Variants in PDCD7 observed in about 807,000 individuals in gnomAD.
The protein encoded by PDCD7 is programmed cell death protein 7.
A neutral mutation model predicts 42.1 loss-of-function variants in PDCD7; 40 were observed. That is an observed-to-expected ratio of 0.95 (90% CI 0.74 to 1.24). The LOEUF (loss-of-function observed/expected upper bound fraction) is 1.24. Among genes scored for constraint, PDCD7 ranks in the 50% most tolerant of loss-of-function variants. The pLI is 0.00. For synonymous variants in PDCD7, 299 were observed against 303.3 expected, an observed-to-expected ratio of 0.99 and a Z score of 0.15; for missense variants, 644 against 662.8, an observed-to-expected ratio of 0.97 and a Z score of 0.31.
intron 1 of PDCD7, among the ~76,000 whole-genome samples, chr15:65,130,261 G>A (rs1329311584): frequency 3.4e-5 from 5 of 148,616 alleles, no homozygotes; most frequent in Non-Finnish European, 5.9e-5. Context: ...GGGTTCAAGC[G>A]ATTCCCTGCT....
chr15:65,129,280 G>A, intron 1 of PDCD7, 110 bp from the exon 2 acceptor site: 1 of 1,219,116 alleles, frequency 8.2e-7, no homozygotes, highest in African/African-American at 1.5e-5. Flanking sequence ...CAGGTTAAGA[G>A]AGACTCTATT....
rs748242746 is a variant in PDCD7 at position 65,129,222 on chromosome 15, C to G, written c.871-52G>C. 2.5e-6 allele frequency: 4 copies of G among 1,585,774 alleles called. No individual in the cohort carries two copies. In the Admixed American group the frequency reaches 6.9e-5, roughly 27 times the overall value. On this transcript the variant is annotated intron_variant, in intron 1 of 4. Coordinates refer to ENST00000204549, the MANE Select transcript of PDCD7 (RefSeq NM_005707.2). ...CCTCGTATTAGGAACAAACTTACAG[C>G]AGAGAATAGCTGCCCAGTGGTTAGA... is the stretch of plus-strand genomic sequence containing the variant.
At chr15:65,120,600 CG>C (rs1033938678) in intron 2 of PDCD7, among the ~76,000 whole-genome samples, 2 of 152,102 alleles carry the variant, frequency 1.3e-5, no homozygotes, top group African/African-American at 4.8e-5. Flanking sequence ...CCCAGCTACT[CG>C]GGAGGCTGAG....
chr15:65,118,648 G>A lies in PDCD7; in HGVS notation c.*69C>T, dbSNP rs2087425796. On this transcript the variant is annotated 3_prime_UTR_variant, in exon 5 of 5. Transcript: ENST00000204549. ...AGTTGCAGTTTAGTCTACAGCAAAA[G>A]ATGGCACCATCGCTAATATTTACAG... The A allele has an allele frequency of 1.4e-6, 2 of 1,468,766 alleles. No individual in the cohort carries two copies. The highest frequency in any genetic ancestry group is 1.8e-6 in the Non-Finnish European group (2 of 1,101,620). 91.0% of individuals were successfully genotyped at this position (1,468,766 alleles called of 1,614,324 possible).
At chr15:65,126,647 A>G (rs997946001) in intron 2 of PDCD7, among the ~76,000 whole-genome samples, 4 of 151,850 alleles carry the variant, frequency 2.6e-5, no homozygotes, top group African/African-American at 9.7e-5. Flanking sequence ...TCTACTACTC[A>G]GGAGGCTGAG....
intron 2 of PDCD7, among the ~76,000 whole-genome samples, chr15:65,121,029 A>T (rs2087449656): frequency 6.8e-6 from 1 of 147,142 alleles, no homozygotes; most frequent in Admixed American, 6.8e-5. Flanking sequence ...GATCATCCAC[A>T]CCACTTAACC....
At chr15:65,121,141 C>G (rs1347219757) in intron 2 of PDCD7, among the ~76,000 whole-genome samples, 1 of 151,296 alleles carries the variant, frequency 6.6e-6, no homozygotes, top group Non-Finnish European at 1.5e-5. Flanking sequence ...CTGCAAACTC[C>G]ACGCATCCCG....
intron 2 of PDCD7, among the ~76,000 whole-genome samples, chr15:65,120,762 A>G (rs1302457105): frequency 6.6e-6 from 1 of 151,910 alleles, no homozygotes; most frequent in African/African-American, 2.4e-5. Flanking sequence ...TGCCCAGGCT[A>G]ATCTCTAACT....
intron 1 of PDCD7, among the ~76,000 whole-genome samples, chr15:65,130,442 C>A (rs944562130): frequency 3.3e-5 from 5 of 151,892 alleles, no homozygotes; most frequent in Non-Finnish European, 7.4e-5. Context: ...ACAGGCATGA[C>A]CACGGCGCCC....
intron 1 of PDCD7, 68 bp downstream of exon 1, chr15:65,132,844 A>G (rs1454738193): frequency 4.2e-5 from 67 of 1,583,214 alleles, no homozygotes; most frequent in Non-Finnish European, 5.6e-5. Flanking sequence ...ATGGAAGTTT[A>G]AAGCCTCCTG....
At chr15:65,124,747 A>G (rs746679873) in intron 2 of PDCD7, among the ~76,000 whole-genome samples, 1 of 152,142 alleles carries the variant, frequency 6.6e-6, no homozygotes, top group Non-Finnish European at 1.5e-5. Flanking sequence ...TGGCAGCTTC[A>G]TCAAAACCTC....
Position 65,133,192 on chromosome 15 carries a change from T to C in PDCD7, c.590A>G (p.Glu197Gly). ...CCAGGCCGCGCCGTCGGCTTCGGCC[T>C]CGCGCAGGGCCTGGCTCAGGCCGCG... ...RLRGLSQALR[E>G]AEADGAAWVL... Residue 197 changes from glutamate (E) to glycine (G), a missense_variant, in exon 1 of 5, where the codon GAG becomes GGG. Glu to Gly is a moderately conservative substitution (Grantham distance 98). Coordinates refer to ENST00000204549, the MANE Select transcript of PDCD7 (RefSeq NM_005707.2). 6.9e-7 allele frequency: 1 copy of C among 1,441,398 alleles called. No individual in the cohort carries two copies. The highest frequency in any genetic ancestry group is 9.0e-7 in the Non-Finnish European group (1 of 1,108,394). The allele number at this position is 1,441,398 out of a possible 1,614,324, so 89.3% of individuals were successfully genotyped here. A position where few individuals can be genotyped will look rare whatever the true frequency, so the allele number is the denominator to read the frequency against.
intron 2 of PDCD7, among the ~76,000 whole-genome samples, chr15:65,120,849 C>T (rs1046472551): frequency 4.6e-5 from 7 of 152,110 alleles, no homozygotes; most frequent in Admixed American, 2.0e-4. Context: ...CTTTTACACA[C>T]GTTTTCTTAT....
At chr15:65,120,096 T>A in intron 2 of PDCD7, 142 bp from the exon 3 acceptor site, 2 of 826,044 alleles carry the variant, frequency 2.4e-6, no homozygotes, top group Non-Finnish European at 3.7e-6. Flanking sequence ...TCCTCCCACC[T>A]TGGCTTCCCA....
Position 65,120,483 on chromosome 15 carries a change from G to A in PDCD7, c.1010-529C>T, listed in dbSNP as rs115803933. 7.7e-3 allele frequency among the ~76,000 whole-genome samples: 1,165 copies of A among 152,172 alleles called. 18 individuals are homozygous for A. Among genetic ancestry groups the A allele is most frequent in the African/African-American group, 0.023 (940 of 41,514 alleles). ...ACTAATTTGTAAATTTTTTGTATGA[G>A]GTCTCACGAGGTCAGGAGATTGAGA... On this transcript the variant is annotated intron_variant, in intron 2 of 4. Coordinates refer to ENST00000204549, the MANE Select transcript of PDCD7 (RefSeq NM_005707.2).
chr15:65,124,251 A>C (rs2087478659), intron 2 of PDCD7, among the ~76,000 whole-genome samples: 1 of 151,864 alleles, frequency 6.6e-6, no homozygotes, highest in African/African-American at 2.4e-5. Flanking sequence ...GTGAAACCCC[A>C]TCTCTACTAA....
intron 1 of PDCD7, 112 bp from the exon 2 acceptor site, chr15:65,129,282 G>A: frequency 3.4e-6 from 4 of 1,185,238 alleles, no homozygotes; most frequent in Non-Finnish European, 3.6e-6. Flanking sequence ...GGTTAAGAGA[G>A]ACTCTATTGA....
chr15:65,119,919 T>TA lies in PDCD7; in HGVS notation c.1044dup (p.Thr349TyrfsTer12). The stretch of plus-strand genomic sequence containing the variant: ...TTTCTCAGTCGCTGAAGATGATGCG[T>TA]AAAAGTCTCATCTGCTGAGGCTGGA... On this transcript the variant is annotated frameshift_variant, in exon 3 of 5. Transcript: ENST00000204549. LOFTEE classifies it high-confidence loss of function. The TA allele has an allele frequency of 3.7e-6, 6 of 1,614,156 alleles. No individual in the cohort carries two copies. The highest frequency in any genetic ancestry group is 4.2e-6 in the Non-Finnish European group (5 of 1,180,040).
chr15:65,132,075 C>CAT (rs1248230895), intron 1 of PDCD7, among the ~76,000 whole-genome samples: 1 of 145,242 alleles, frequency 6.9e-6, no homozygotes, highest in Non-Finnish European at 1.5e-5. Context: ...CACATACATA[C>CAT]ATATATATAC....
Sources: gnomAD v4.1 joint callset for allele counts (sites outside exome capture counted in the v4.1 genomes callset) on GRCh38, gnomAD v4.1.1 for gene constraint, MANE v1.5 for transcripts, NCBI Gene and HGNC (gene_info 2026-07-23, HGNC 2026-07-21) for gene names.